The following KANSL1L variants were observed in gnomAD, a reference collection of about 807,000 sequenced individuals.
KANSL1L encodes the protein KAT8 regulatory NSL complex subunit 1 like, also known as KAT8 regulatory NSL complex subunit 1-like protein.
A neutral mutation model predicts 108.6 loss-of-function variants in KANSL1L; 25 were observed. The ratio of observed to expected loss-of-function variants is 0.23; its 90% CI spans 0.17 to 0.32. The LOEUF is 0.32. Among genes scored for constraint, KANSL1L ranks in the 10% least tolerant of loss-of-function variants. The pLI is 1.00. For synonymous variants in KANSL1L, 405 were observed against 395.1 expected, an observed-to-expected ratio of 1.03 and a Z score of -0.30; for missense variants, 1,137 against 1,125.7, an observed-to-expected ratio of 1.01 and a Z score of -0.14.
intron 2 of KANSL1L, among the ~76,000 whole-genome samples, chr2:210,133,727 C>G (rs2095148421): frequency 6.6e-6 from 1 of 152,096 alleles, no homozygotes; most frequent in Non-Finnish European, 1.5e-5. Flanking sequence ...CTGCATCCCT[C>G]AAATTCTGAT....
intron 6 of KANSL1L, among the ~76,000 whole-genome samples, chr2:210,059,502 AC>A (rs555464327): frequency 1.3e-5 from 2 of 152,352 alleles, no homozygotes; most frequent in Admixed American, 1.3e-4. Flanking sequence ...CTGCTTCCCT[AC>A]AAAAAATAAC....
At chr2:210,151,744 C>T (rs1401622313) in intron 2 of KANSL1L, 1 of 152,162 alleles carries the variant, frequency 6.6e-6, no homozygotes, top group Non-Finnish European at 1.5e-5. Flanking sequence ...AAATAACTAG[C>T]ACAATGCCAG....
In KANSL1L at chr2:210,165,177, A is replaced by G. The variant is rs1473738242; in HGVS notation, c.-30+5972T>C. Among the ~76,000 whole-genome samples, 4 of 147,904 alleles carry G rather than the reference A, an allele frequency of 2.7e-5. No individual in the cohort carries two copies. The South Asian group carries it at 6.4e-4, about 24-fold the overall frequency. The stretch of plus-strand genomic sequence containing the variant: ...TTTCAACTTACATTCCAATTTTACT[A>G]AAAAAAAAACCAAAAAACAAAAAAC... On this transcript the variant is annotated intron_variant, in intron 1 of 14. Transcript: ENST00000281772.
chr2:210,157,089 A>T (rs1575637246), intron 1 of KANSL1L, among the ~76,000 whole-genome samples: 1 of 152,334 alleles, frequency 6.6e-6, no homozygotes, highest in African/African-American at 2.4e-5. Context: ...ATTTCTTCCA[A>T]GATTCAAGTT....
In KANSL1L at chr2:210,031,522, C is replaced by T; in HGVS notation, c.2054G>A (p.Arg685Lys). The T allele has an allele frequency of 1.9e-6, 3 of 1,551,722 alleles. No homozygotes were observed. The highest frequency in any genetic ancestry group is 2.7e-6 in the Non-Finnish European group (3 of 1,129,342). ...SPVHSTLNQW[R>K]NGYSPICKPQ... ...CTTACATATAGGTGAATATCCATTT[C>T]TCCATTGATTCAGAGTACTATGTAC... is the stretch of plus-strand genomic sequence containing the variant. Residue 685 changes from arginine to lysine, a missense_variant, in exon 9 of 15, where the codon AGA (arginine) becomes AAA (lysine). By Grantham distance (26) the Arg-to-Lys change is conservative. Transcript: ENST00000281772.
At chr2:210,078,556 G>T (rs1444557760) in intron 5 of KANSL1L, among the ~76,000 whole-genome samples, 2 of 152,076 alleles carry the variant, frequency 1.3e-5, no homozygotes, top group African/African-American at 2.4e-5. Flanking sequence ...TAATCAATGT[G>T]CAAACTGCAT....
At chr2:210,038,677 G>T (rs2125171426) in intron 8 of KANSL1L, among the ~76,000 whole-genome samples, 1 of 151,918 alleles carries the variant, frequency 6.6e-6, no homozygotes, top group Admixed American at 6.6e-5. Flanking sequence ...TTGTTTTAAA[G>T]TGCTTTATGA....
intron 5 of KANSL1L, chr2:210,088,942 G>A (rs1325162198): frequency 6.4e-6 from 1 of 155,704 alleles, no homozygotes; most frequent in Non-Finnish European, 1.4e-5. Context: ...GTGTAAGGTT[G>A]ATCAGGAAGC....
At chr2:210,078,341 T>G (rs1386330103) in intron 5 of KANSL1L, among the ~76,000 whole-genome samples, 2 of 152,224 alleles carry the variant, frequency 1.3e-5, no homozygotes, top group East Asian at 3.8e-4. Context: ...ATACAATTTT[T>G]AAATTTCTAA....
chr2:210,056,031 T>G (rs184109859), intron 6 of KANSL1L, among the ~76,000 whole-genome samples: 7 of 152,348 alleles, frequency 4.6e-5, no homozygotes, highest in Admixed American at 3.9e-4. Flanking sequence ...AAAAATGGTT[T>G]CGTGGGCTGC....
intron 5 of KANSL1L, among the ~76,000 whole-genome samples, chr2:210,094,630 CGATT>C (rs2094720242): frequency 6.6e-6 from 1 of 151,670 alleles, no homozygotes; most frequent in African/African-American, 2.4e-5. Context: ...ATTGTATCTC[CGATT>C]AATTTTAAAA....
chr2:210,097,109 A>G (rs921105774), intron 5 of KANSL1L: 8 of 272,952 alleles, frequency 2.9e-5, no homozygotes, highest in Admixed American at 6.5e-5. Context: ...ACGCCCGGCT[A>G]ATTTTTTGTA....
chr2:210,147,400 C>T (rs1174961935), intron 2 of KANSL1L, among the ~76,000 whole-genome samples: 1 of 152,208 alleles, frequency 6.6e-6, no homozygotes, highest in East Asian at 1.9e-4. Flanking sequence ...CTGCAGTGAG[C>T]TATGACTATG....
intron 14 of KANSL1L, 87 bp downstream of exon 14, chr2:210,023,946 A>G (rs1365827927): frequency 2.2e-6 from 2 of 908,598 alleles, no homozygotes; most frequent in Non-Finnish European, 3.2e-6. Flanking sequence ...TAATGATGTA[A>G]TAAACTTAAT....
intron 3 of KANSL1L, among the ~76,000 whole-genome samples, chr2:210,124,726 G>A (rs1425891582): frequency 6.6e-6 from 1 of 151,920 alleles, no homozygotes; most frequent in Non-Finnish European, 1.5e-5. Context: ...TTCTTTGAAA[G>A]CATCAACAAA....
chr2:210,065,018 T>C (rs6732506), intron 6 of KANSL1L, among the ~76,000 whole-genome samples: 13,335 of 151,702 alleles, frequency 0.088, 622 homozygotes, highest in Middle Eastern at 0.15. Flanking sequence ...AAAGAAGCTG[T>C]TAGGCCAAGC....
chr2:210,148,965 C>T (rs1393473240), intron 2 of KANSL1L, among the ~76,000 whole-genome samples: 3 of 151,858 alleles, frequency 2.0e-5, no homozygotes, highest in African/African-American at 4.8e-5. Context: ...ATTACAAACA[C>T]TGAAAATTAT....
intron 1 of KANSL1L, among the ~76,000 whole-genome samples, chr2:210,157,691 GAAA>G (rs56676129): frequency 2.1e-5 from 1 of 47,168 alleles, no homozygotes; most frequent in African/African-American, 6.0e-5. Context: ...CACTGTCACA[GAAA>G]AAAAAAAAAA....
intron 6 of KANSL1L, among the ~76,000 whole-genome samples, chr2:210,054,522 T>C (rs979230063): frequency 1.3e-5 from 2 of 152,142 alleles, no homozygotes; most frequent in Admixed American, 1.3e-4. Flanking sequence ...AATTTATAAA[T>C]GTACAAACTC....
Sources: allele counts gnomAD v4.1 joint callset (sites outside exome capture counted in the v4.1 genomes callset), GRCh38; gene constraint gnomAD v4.1.1; transcripts MANE v1.5; gene names NCBI Gene and HGNC (gene_info 2026-07-23, HGNC 2026-07-21).